Variants in LYPD1 observed in about 807,000 individuals in gnomAD.
LYPD1 encodes the protein ly6/PLAUR domain-containing protein 1.
Under a neutral mutation model 14.2 loss-of-function variants are expected in LYPD1, and 14 were observed. That is an observed-to-expected ratio of 0.99 (90% confidence interval 0.65 to 1.54). The LOEUF is 1.54. Among genes scored for constraint, LYPD1 ranks in the 40% most tolerant of loss-of-function variants. LYPD1 has a pLI of 0.00. For synonymous variants in LYPD1, 85 were observed against 70.6 expected, an observed-to-expected ratio of 1.20 and a Z score of -1.02; for missense variants, 165 against 175.7, an observed-to-expected ratio of 0.94 and a Z score of 0.34.
intron 2 of LYPD1, among the ~76,000 whole-genome samples, chr2:132,659,195 T>G (rs1682781221): frequency 1.3e-5 from 2 of 152,240 alleles, no homozygotes; most frequent in South Asian, 2.1e-4. Flanking sequence ...ACATTTAAGC[T>G]CCTTCATTTC....
At position 132,643,910 on chromosome 2, in the gene LYPD1, A is replaced by G. The variant is rs185636184; in HGVS notation, c.*2135T>C. Among the ~76,000 whole-genome samples the G allele has an allele frequency of 7.9e-5, 12 of 152,350 alleles. No homozygotes were observed. The highest frequency in any genetic ancestry group is 1.5e-4 in the Non-Finnish European group (10 of 68,028). On this transcript the variant is annotated 3_prime_UTR_variant, in exon 3 of 3. Coordinates refer to ENST00000397463, the MANE Select transcript of LYPD1 (RefSeq NM_144586.7). ...TCCCTAGGGTTTCTAGAAAATCAGA[A>G]GATTGAAAATGTGAGTAAATGTTTC...
intron 2 of LYPD1, among the ~76,000 whole-genome samples, chr2:132,659,190 T>G (rs1682781057): frequency 6.6e-6 from 1 of 152,270 alleles, no homozygotes; most frequent in Non-Finnish European, 1.5e-5. Context: ...GCTAAACATT[T>G]AAGCTCCTTC....
chr2:132,656,903 C>G (rs1274827681), intron 2 of LYPD1, among the ~76,000 whole-genome samples: 1 of 152,156 alleles, frequency 6.6e-6, no homozygotes, highest in Non-Finnish European at 1.5e-5. Flanking sequence ...CTTGGCCTAG[C>G]TGGTAGAACT....
At chr2:132,654,294 C>T (rs763350871) in intron 2 of LYPD1, among the ~76,000 whole-genome samples, 16 of 151,394 alleles carry the variant, frequency 1.1e-4, no homozygotes, top group Admixed American at 7.9e-4. Flanking sequence ...CCAGCTACTC[C>T]GGAGGCTTAG....
intron 2 of LYPD1, among the ~76,000 whole-genome samples, chr2:132,661,488 C>A (rs190771796): frequency 6.6e-6 from 1 of 152,298 alleles, no homozygotes; most frequent in East Asian, 1.9e-4. Context: ...AGGTAGGGAT[C>A]TGCTAAACCT....
chr2:132,667,153 A>G (rs974628617), intron 2 of LYPD1, among the ~76,000 whole-genome samples: 2 of 152,188 alleles, frequency 1.3e-5, no homozygotes, highest in African/African-American at 2.4e-5. Flanking sequence ...TGCATCATTA[A>G]TAGCCCAAAT....
At chr2:132,659,502 G>A (rs1573743432) in intron 2 of LYPD1, among the ~76,000 whole-genome samples, 1 of 152,238 alleles carries the variant, frequency 6.6e-6, no homozygotes, top group East Asian at 1.9e-4. Flanking sequence ...AGGATGTGAT[G>A]CCAGGCAAAC....
chr2:132,655,654 A>T (rs1449062567), intron 2 of LYPD1, among the ~76,000 whole-genome samples: 1 of 151,482 alleles, frequency 6.6e-6, no homozygotes, highest in Non-Finnish European at 1.5e-5. Flanking sequence ...AGCTGGGACT[A>T]CAGGTGCCTG....
intron 2 of LYPD1, among the ~76,000 whole-genome samples, chr2:132,667,315 A>G (rs1328699392): frequency 6.6e-6 from 1 of 152,166 alleles, no homozygotes; most frequent in Admixed American, 6.5e-5. Context: ...CCACAACACA[A>G]CACAGTGTCA....
chr2:132,645,189 G>A lies in LYPD1; in HGVS notation c.*856C>T, dbSNP rs766108578. On this transcript the variant is annotated 3_prime_UTR_variant, in exon 3 of 3. Coordinates refer to ENST00000397463, the MANE Select transcript of LYPD1 (RefSeq NM_144586.7). ...CGGCCAAACCCAAGCACGACTGGAC[G>A]AGGTCCTACTTCCGGGCGTACATGA... 1.7e-5 allele frequency: 28 copies of A among 1,613,976 alleles called. 1 individual carries two copies. In the African/African-American group the frequency reaches 2.1e-4, roughly 12 times the overall value.
At chr2:132,668,312 A>C in intron 2 of LYPD1, 88 bp downstream of exon 2, 2 of 1,461,282 alleles carry the variant, frequency 1.4e-6, no homozygotes, top group Admixed American at 2.4e-5. Flanking sequence ...AATCAAAGTC[A>C]GTCCTTTTTC....
At chr2:132,665,619 A>G (rs905084617) in intron 2 of LYPD1, among the ~76,000 whole-genome samples, 1 of 152,238 alleles carries the variant, frequency 6.6e-6, no homozygotes, top group Admixed American at 6.5e-5. Flanking sequence ...GCAGGCTTCA[A>G]GCGCCTCTTA....
Position 132,655,514 on chromosome 2 carries a change from A to ATTTTTTTTTTTTT in LYPD1, c.191-9247_191-9235dup, listed in dbSNP as rs1180944589. Among the ~76,000 whole-genome samples the ATTTTTTTTTTTTT allele has an allele frequency of 7.1e-3, 703 of 99,438 alleles. 129 individuals carry two copies. Among genetic ancestry groups the ATTTTTTTTTTTTT allele is most frequent in the African/African-American group, 0.031 (651 of 20,780 alleles). 65.2% of individuals were successfully genotyped at this position (99,438 alleles called of 152,430 possible). Reference sequence around the variant, plus strand: ...ATGATTCTCTTGGGGGTTGAGAAGCATTTTTTTTTTTTTTTTTTGAGATGG... The same window carrying ATTTTTTTTTTTTT: ...ATGATTCTCTTGGGGGTTGAGAAGCATTTTTTTTTTTTTTTTTTTTTTTTTTTTTTTGAGATGG... On this transcript the variant is annotated intron_variant, in intron 2 of 2. Coordinates refer to ENST00000397463, the MANE Select transcript of LYPD1 (RefSeq NM_144586.7).
rs138528618 is a variant in LYPD1, at chr2:132,668,553, A to G, written c.53-16T>C. On this transcript the variant is annotated splice_polypyrimidine_tract_variant and intron_variant, in intron 1 of 2. Coordinates refer to ENST00000397463, the MANE Select transcript of LYPD1 (RefSeq NM_144586.7). ...AGCGCAAAGCCTGCGAGACAGACGC[A>G]GTCGGGTTCAGATCCGGCCCCCACA... is the stretch of plus-strand genomic sequence containing the variant. The G allele has an allele frequency of 9.1e-4, 1,472 of 1,610,028 alleles. 13 individuals carry two copies. The African/African-American group carries it at 0.017, about 19-fold the overall frequency.
At chr2:132,656,493 CA>C (rs1386758507) in intron 2 of LYPD1, among the ~76,000 whole-genome samples, 2 of 152,002 alleles carry the variant, frequency 1.3e-5, no homozygotes, top group African/African-American at 4.8e-5. Flanking sequence ...AAAGAAACTG[CA>C]AGAAAAAAGA....
At chr2:132,655,284 T>TC (rs1358163160) in intron 2 of LYPD1, among the ~76,000 whole-genome samples, 2 of 152,074 alleles carry the variant, frequency 1.3e-5, no homozygotes, top group East Asian at 3.9e-4. Context: ...TTGACCCCCA[T>TC]CCCCAAGTAA....
At chr2:132,653,099 G>T (rs1041982727) in intron 2 of LYPD1, among the ~76,000 whole-genome samples, 1 of 152,140 alleles carries the variant, frequency 6.6e-6, no homozygotes, top group South Asian at 2.1e-4. Context: ...AGATCCTCAT[G>T]TACTTAATGG....
At chr2:132,664,786 T>C (rs919475142) in intron 2 of LYPD1, among the ~76,000 whole-genome samples, 1 of 152,220 alleles carries the variant, frequency 6.6e-6, no homozygotes, top group Non-Finnish European at 1.5e-5. Context: ...GTCAAACAAA[T>C]GCAAATTCAC....
chr2:132,657,243 A>G (rs1430632), intron 2 of LYPD1, among the ~76,000 whole-genome samples: 100,584 of 152,106 alleles, frequency 0.66, 34,531 homozygotes, highest in African/African-American at 0.86. Context: ...TTCTTTGCTC[A>G]TTTATAACTT....
Sources: gnomAD v4.1 joint callset for allele counts (sites outside exome capture counted in the v4.1 genomes callset) on GRCh38, gnomAD v4.1.1 for gene constraint, MANE v1.5 for transcripts, NCBI Gene and HGNC (gene_info 2026-07-23, HGNC 2026-07-21) for gene names.